The following RBM14 variants were observed in gnomAD, a reference collection of about 807,000 sequenced individuals.
The protein encoded by RBM14 is RNA binding motif protein 14, also known as RNA-binding protein 14.
Under a neutral mutation model 52.8 loss-of-function variants are expected in RBM14, and 5 were observed. The observed-to-expected ratio is 0.09, with a 90% CI of 0.05 to 0.20. RBM14 has a LOEUF of 0.20. RBM14 is among the 10% of genes least tolerant of loss of function. The probability of loss-of-function intolerance (pLI) is 1.00; values close to 1 mark genes in which losing one functional copy is unlikely to be tolerated. For missense variants in RBM14, 780 were observed against 926.6 expected, an observed-to-expected ratio of 0.84 and a Z score of 2.05; for synonymous variants, 411 against 401.8, an observed-to-expected ratio of 1.02 and a Z score of -0.28.
intron 1 of RBM14, among the ~76,000 whole-genome samples, chr11:66,620,330 CAG>C (rs1298879800): frequency 4.0e-5 from 6 of 151,578 alleles, no homozygotes; most frequent in African/African-American, 9.7e-5. Flanking sequence ...TTTTATGAGA[CAG>C]AGTCTCATTC....
chr11:66,622,468 A>G (rs1308004710), intron 1 of RBM14, among the ~76,000 whole-genome samples: 1 of 152,122 alleles, frequency 6.6e-6, no homozygotes, highest in Non-Finnish European at 1.5e-5. Context: ...TCCTGATCTC[A>G]GGTGATCTGC....
chr11:66,626,432 T>C, intron 2 of RBM14, 29 bp from the exon 3 acceptor site: 5 of 1,591,612 alleles, frequency 3.1e-6, no homozygotes, highest in Non-Finnish European at 4.3e-6. Flanking sequence ...AATTGTCTCA[T>C]TCACCAACTG....
At position 66,628,614 on chromosome 11, in the gene RBM14, A is replaced by G. The variant is rs1230379022; in HGVS notation, c.*1946A>G. On this transcript the variant is annotated 3_prime_UTR_variant, in exon 3 of 3. Transcript: ENST00000310137. ...TTCAGGTGCTTAGCTGCTCCTTTTT[A>G]TTTCTTTGCAGGACTGGGAAAGCAT... is the stretch of plus-strand genomic sequence containing the variant. Among the ~76,000 whole-genome samples, 1 of 151,592 alleles carries G rather than the reference A, an allele frequency of 6.6e-6. No homozygotes were observed. The highest frequency in any genetic ancestry group is 1.5e-5 in the Non-Finnish European group (1 of 67,940).
At position 66,624,395 on chromosome 11, in the gene RBM14, G is replaced by C; in HGVS notation, c.519G>C (p.Thr173=). The C allele has an allele frequency of 6.2e-7, 1 of 1,614,144 alleles. No individual in the cohort carries two copies. Among genetic ancestry groups the C allele is most frequent in the Non-Finnish European group, 8.5e-7 (1 of 1,179,994 alleles). ...CCAAGAAACCAGGGGCTGGGGATAC[G>C]GCCTTCCCTGGAACTGGTGGCTTCT... ...DKTKKPGAGD[T]AFPGTGGFSA... is the part of the protein sequence containing the mutation. Residue 173 remains threonine (T), a synonymous_variant, in exon 2 of 3, where the codon ACG becomes ACC. Coordinates refer to ENST00000310137, the MANE Select transcript of RBM14 (RefSeq NM_006328.4). The surrounding 1 kb of genome is among the most constrained non-coding windows in gnomAD (Gnocchi z 4.7).
rs1937952535 is a variant in RBM14, at chr11:66,629,265, C to T, written c.*2597C>T. Among the ~76,000 whole-genome samples, 1 of 152,224 alleles carries T rather than the reference C, an allele frequency of 6.6e-6. No individual in the cohort carries two copies. Among genetic ancestry groups the T allele is most frequent in the Non-Finnish European group, 1.5e-5 (1 of 68,036 alleles). ...GACTCTCTATCTTCAGATTATTCAG[C>T]TTCTCCACCTATCACCTCTACAACT... On this transcript the variant is annotated 3_prime_UTR_variant, in exon 3 of 3. Coordinates refer to ENST00000310137, the MANE Select transcript of RBM14 (RefSeq NM_006328.4).
rs1211559235 is a variant in RBM14, at chr11:66,624,862, A to G, written c.986A>G (p.Asn329Ser). 6.2e-7 allele frequency: 1 copy of G among 1,613,142 alleles called. No homozygotes were observed. The highest frequency in any genetic ancestry group is 8.5e-7 in the Non-Finnish European group (1 of 1,179,740). Residue 329 changes from asparagine to serine, a missense_variant, in exon 2 of 3, where the codon AAC becomes AGC. Asn to Ser is a conservative substitution (Grantham distance 46). Around this residue, in one of 4 missense-constraint regions of RBM14, gnomAD observed 675 missense variants for 697.3 expected, o/e 0.97. Coordinates refer to ENST00000310137, the MANE Select transcript of RBM14 (RefSeq NM_006328.4). The surrounding 1 kb of genome is among the most constrained non-coding windows in gnomAD (Gnocchi z 4.7). ...CAGGCAGCTGCAGCTTCTTCGCTCA[A>G]CTCCTATGGGGCTCAGGGTTCCTCC... The part of the protein sequence containing the change: ...GGQAAAASSL[N>S]SYGAQGSSLA...
At chr11:66,621,923 AT>A (rs796461427) in intron 1 of RBM14, among the ~76,000 whole-genome samples, 2 of 151,122 alleles carry the variant, frequency 1.3e-5, no homozygotes, top group Non-Finnish European at 3.0e-5. Flanking sequence ...GTTTCTTTTT[AT>A]TTTTTTTGAG....
rs536561520 is a variant in RBM14 at position 66,629,305 on chromosome 11, G to A, written c.*2637G>A. Among the ~76,000 whole-genome samples, 23 of 152,310 alleles carry A rather than the reference G, an allele frequency of 1.5e-4. No individual in the cohort carries two copies. Among genetic ancestry groups the A allele is most frequent in the African/African-American group, 5.5e-4 (23 of 41,574 alleles). On this transcript the variant is annotated 3_prime_UTR_variant, in exon 3 of 3. Transcript: ENST00000310137. ...CCTCTACAACTTGGCCTTCATTGGA[G>A]AAGTTTTAGTTGGCTTATTCCTGGA...
intron 1 of RBM14, among the ~76,000 whole-genome samples, chr11:66,620,056 G>T (rs977480761): frequency 3.9e-5 from 6 of 152,170 alleles, no homozygotes; most frequent in Non-Finnish European, 8.8e-5. Flanking sequence ...AAGGTTCCTG[G>T]AATTTTTCAG....
At position 66,624,080 on chromosome 11, in the gene RBM14, T is replaced by C; in HGVS notation, c.338-134T>C. On this transcript the variant is annotated intron_variant, in intron 1 of 2. Coordinates refer to ENST00000310137, the MANE Select transcript of RBM14 (RefSeq NM_006328.4). The surrounding 1 kb of genome is among the most constrained non-coding windows in gnomAD (Gnocchi z 4.7). ...ATGGGAGCTACATTTTATGACATAC[T>C]CCTGGAGAGGAGGGTTTGGAGGCCT... is the stretch of plus-strand genomic sequence containing the variant. 6.9e-7 allele frequency: 1 copy of C among 1,444,578 alleles called. No individual in the cohort carries two copies. Among genetic ancestry groups the C allele is most frequent in the South Asian group, 1.2e-5 (1 of 80,572 alleles). 89.5% of individuals were successfully genotyped at this position (1,444,578 alleles called of 1,614,324 possible). A position where few individuals can be genotyped will look rare whatever the true frequency, so the allele number is the denominator to read the frequency against.
chr11:66,620,496 T>G (rs1859057081), intron 1 of RBM14, among the ~76,000 whole-genome samples: 1 of 152,092 alleles, frequency 6.6e-6, no homozygotes, highest in Non-Finnish European at 1.5e-5. Flanking sequence ...GAGACAGGGT[T>G]TCACTATGTT....
intron 1 of RBM14, chr11:66,623,775 TG>T: frequency 1.5e-6 from 1 of 666,622 alleles, no homozygotes. Context: ...TTCCAGTGTT[TG>T]AGAGTTAGGC....
rs1418625531 is a variant in RBM14, at chr11:66,628,232, G to T, written c.*1564G>T. ...AATGGAGGCTTGGGCTTAGTGATGG[G>T]TAAATGGAAGACTGGTTGAGTGGGA... On this transcript the variant is annotated 3_prime_UTR_variant, in exon 3 of 3. Coordinates refer to ENST00000310137, the MANE Select transcript of RBM14 (RefSeq NM_006328.4). Among the ~76,000 whole-genome samples the T allele has an allele frequency of 1.3e-5, 2 of 152,124 alleles. No individual in the cohort carries two copies. The highest frequency in any genetic ancestry group is 2.9e-5 in the Non-Finnish European group (2 of 68,032).
In RBM14 at chr11:66,627,944, T is replaced by C. The variant is rs1293332007; in HGVS notation, c.*1276T>C. ...GTATTTTGCCTGTTGAGCTGTACCA[T>C]GGAGCATCCTCCTGTGTCCTGCCAA... On this transcript the variant is annotated 3_prime_UTR_variant, in exon 3 of 3. Coordinates refer to ENST00000310137, the MANE Select transcript of RBM14 (RefSeq NM_006328.4). 1.3e-5 allele frequency among the ~76,000 whole-genome samples: 2 copies of C among 152,180 alleles called. No individual in the cohort carries two copies. Among genetic ancestry groups the C allele is most frequent in the Admixed American group, 6.5e-5 (1 of 15,270 alleles).
Position 66,625,626 on chromosome 11 carries a change from C to A in RBM14, c.1750C>A (p.Pro584Thr), listed in dbSNP as rs759455565. 1 of 1,613,102 alleles carries A rather than the reference C, an allele frequency of 6.2e-7. No individual in the cohort carries two copies. Among genetic ancestry groups the A allele is most frequent in the South Asian group, 1.1e-5 (1 of 91,084 alleles). Reference sequence around the variant, plus strand: ...CTATGAGCGTACCCGCCTCTCCCCACCCCGGGCCAGCTACGACGATCCCTA... The same window carrying A: ...CTATGAGCGTACCCGCCTCTCCCCAACCCGGGCCAGCTACGACGATCCCTA... ...PPYERTRLSPPRASYDDPYKK... is the reference protein window; with the variant it reads ...PPYERTRLSPTRASYDDPYKK... The change falls in exon 2 of 3, where the codon CCC becomes ACC. Residue 584 changes from proline (P) to threonine (T), a missense_variant. Physicochemically the swap from Pro to Thr is conservative, Grantham distance 38. Around this residue, in one of 4 missense-constraint regions of RBM14, gnomAD observed 675 missense variants for 697.3 expected, o/e 0.97. Coordinates refer to ENST00000310137, the MANE Select transcript of RBM14 (RefSeq NM_006328.4). The surrounding 1 kb of genome is among the most constrained non-coding windows in gnomAD (Gnocchi z 4.2).
At position 66,627,653 on chromosome 11, in the gene RBM14, CT is replaced by C. The variant is rs1352460607; in HGVS notation, c.*989del. ...GCCTGTGCTTGACCATTTTCACTGA[CT>C]TTTCTCCAGTTCAGGAATAACCTGT... On this transcript the variant is annotated 3_prime_UTR_variant, in exon 3 of 3. Coordinates refer to ENST00000310137, the MANE Select transcript of RBM14 (RefSeq NM_006328.4). 6.6e-6 allele frequency among the ~76,000 whole-genome samples: 1 copy of C among 152,186 alleles called. No individual in the cohort carries two copies. Among genetic ancestry groups the C allele is most frequent in the Non-Finnish European group, 1.5e-5 (1 of 68,034 alleles).
rs770618335 is a variant in RBM14, at chr11:66,626,645, T to C, written c.1987T>C (p.Ser663Pro). ...TTACCTGCGGGCGGCTCAGATGCAC[T>C]CTGGCTACCAGCGCCGCATGTAGGG... is the stretch of plus-strand genomic sequence containing the variant. ...NDYLRAAQMH[S>P]GYQRRM is the part of the protein sequence containing the mutation. The change falls in exon 3 of 3, where the codon TCT (serine) becomes CCT (proline). Residue 663 changes from serine to proline, a missense_variant. Ser to Pro is a moderately conservative substitution (Grantham distance 74). This residue lies in a region of RBM14 where 675 missense variants were observed against 697.3 expected (regional missense o/e 0.97). Coordinates refer to ENST00000310137, the MANE Select transcript of RBM14 (RefSeq NM_006328.4). The C allele has an allele frequency of 6.2e-7, 1 of 1,610,394 alleles. No homozygotes were observed. The highest frequency in any genetic ancestry group is 8.5e-7 in the Non-Finnish European group (1 of 1,178,886).
intron 1 of RBM14, among the ~76,000 whole-genome samples, chr11:66,621,209 G>T (rs1286001089): frequency 1.3e-5 from 2 of 151,472 alleles, no homozygotes; most frequent in Non-Finnish European, 2.9e-5. Context: ...CCACATGCTG[G>T]TTTTTTGTGT....
In RBM14 at chr11:66,625,053, C is replaced by T; in HGVS notation, c.1177C>T (p.Leu393=). The part of the protein sequence containing the change: ...SYGAQSAASS[L]AYGAQAASYN... The stretch of plus-strand genomic sequence containing the variant: ...TGGGGCCCAGTCTGCAGCCTCCTCA[C>T]TAGCTTATGGAGCCCAGGCAGCTTC... Residue 393 remains leucine (L), a synonymous_variant, in exon 2 of 3, where the codon CTA becomes TTA. Transcript: ENST00000310137. The surrounding 1 kb of genome is among the most constrained non-coding windows in gnomAD (Gnocchi z 4.2). The T allele has an allele frequency of 6.2e-7, 1 of 1,613,764 alleles. No homozygotes were observed. The highest frequency in any genetic ancestry group is 8.5e-7 in the Non-Finnish European group (1 of 1,179,916).
Sources: allele counts gnomAD v4.1 joint callset (sites outside exome capture counted in the v4.1 genomes callset), GRCh38; gene constraint gnomAD v4.1.1; regional missense constraint gnomAD v4.1.1; non-coding constraint Gnocchi (gnomAD v3.1); transcripts MANE v1.5; gene names NCBI Gene and HGNC (gene_info 2026-07-23, HGNC 2026-07-21).